Variants in PRKCI observed in about 807,000 individuals in gnomAD.
The protein encoded by PRKCI is protein kinase C iota.
A neutral mutation model predicts 84.0 loss-of-function variants in PRKCI; 43 were observed. The ratio of observed to expected loss-of-function variants is 0.51; its 90% CI spans 0.40 to 0.66. The LOEUF is 0.66. PRKCI is among the 30% of genes least tolerant of loss of function. The pLI, the probability that PRKCI is intolerant of heterozygous loss-of-function variation, is 0.00. For synonymous variants in PRKCI, 216 were observed against 234.4 expected (o/e 0.92, Z 0.72); for missense variants, 459 against 745.6 (o/e 0.62, Z 4.48).
chr3:170,234,031 C>CTT lies in PRKCI; in HGVS notation c.102-1181_102-1180dup, dbSNP rs386398519. ...CCACCACACCCAGCCTATACTTACA[C>CTT]TTTTTTTTTTTTTTTTTTTGAGATG... is the stretch of plus-strand genomic sequence containing the variant. On this transcript the variant is annotated intron_variant, in intron 1 of 17. Coordinates refer to ENST00000295797, the MANE Select transcript of PRKCI (RefSeq NM_002740.6). 6.5e-3 allele frequency among the ~76,000 whole-genome samples: 602 copies of CTT among 93,324 alleles called. 26 individuals are homozygous for CTT. Among genetic ancestry groups the CTT allele is most frequent in the African/African-American group, 0.016 (374 of 23,312 alleles). The allele number at this position is 93,324 out of a possible 152,430, so 61.2% of individuals were successfully genotyped here. A position where few individuals can be genotyped will look rare whatever the true frequency, so the allele number is the denominator to read the frequency against.
rs535512534 is a variant in PRKCI, at chr3:170,235,531, C to T, written c.223+180C>T. Among the ~76,000 whole-genome samples, 4 of 150,950 alleles carry T rather than the reference C, an allele frequency of 2.6e-5. No individual in the cohort carries two copies. The East Asian group carries it at 5.8e-4, about 22-fold the overall frequency. The stretch of plus-strand genomic sequence containing the variant: ...CTGAAGAGCACAATCTTTTTTTTGC[C>T]CCTTTTACGCCAAAATGATGTGAAA... On this transcript the variant is annotated intron_variant, in intron 2 of 17. Coordinates refer to ENST00000295797, the MANE Select transcript of PRKCI (RefSeq NM_002740.6).
chr3:170,231,820 T>A (rs540651874), intron 1 of PRKCI, among the ~76,000 whole-genome samples: 38 of 152,314 alleles, frequency 2.5e-4, no homozygotes, highest in African/African-American at 8.7e-4. Flanking sequence ...ATTATAGTAA[T>A]AATCTCTTAT....
intron 12 of PRKCI, among the ~76,000 whole-genome samples, chr3:170,287,908 C>CAAAAA (rs750366555): frequency 5.9e-5 from 3 of 50,478 alleles, no homozygotes; most frequent in Admixed American, 2.2e-4. Context: ...GACTCTGTCT[C>CAAAAA]AAAAAAAAAA....
intron 8 of PRKCI, among the ~76,000 whole-genome samples, chr3:170,279,299 G>GA (rs1734190127): frequency 6.6e-6 from 1 of 152,200 alleles, no homozygotes; most frequent in African/African-American, 2.4e-5. Context: ...CCTAAGTGCT[G>GA]AAAATACAGG....
chr3:170,285,727 T>C (rs1734365521), intron 12 of PRKCI, among the ~76,000 whole-genome samples: 1 of 151,836 alleles, frequency 6.6e-6, no homozygotes, highest in Non-Finnish European at 1.5e-5. Flanking sequence ...TTTCACATGA[T>C]ACTTATTAAT....
intron 8 of PRKCI, 134 bp downstream of exon 8, chr3:170,275,421 C>A: frequency 2.7e-6 from 2 of 754,576 alleles, no homozygotes; most frequent in Non-Finnish European, 3.8e-6. Flanking sequence ...TGTAATGATT[C>A]CAGAGTTTTA....
At chr3:170,289,420 T>C (rs1442348950) in intron 12 of PRKCI, among the ~76,000 whole-genome samples, 1 of 152,162 alleles carries the variant, frequency 6.6e-6, no homozygotes, top group Non-Finnish European at 1.5e-5. Flanking sequence ...AGAATGTCTC[T>C]GGAGGGCCAC....
rs1475798615 is a variant in PRKCI, at chr3:170,303,078, G to T, written c.1742G>T (p.Gly581Val). The T allele has an allele frequency of 2.5e-6, 4 of 1,606,030 alleles. No individual in the cohort carries two copies. The highest frequency in any genetic ancestry group is 1.3e-5 in the African/African-American group (1 of 74,592). The change falls in exon 18 of 18, where the codon GGT becomes GTT. Residue 581 changes from glycine to valine, a missense_variant. This residue lies in a region of PRKCI where 209 missense variants were observed against 425.9 expected (regional missense o/e 0.49). Coordinates refer to ENST00000295797, the MANE Select transcript of PRKCI (RefSeq NM_002740.6). ...AAGATTGATCAGTCTGAATTTGAAG[G>T]TTTTGAGTATATCAATCCTCTTTTG... ...VRKIDQSEFE[G>V]FEYINPLLMS...
intron 2 of PRKCI, among the ~76,000 whole-genome samples, chr3:170,248,733 T>G (rs763664295): frequency 1.5e-4 from 23 of 152,194 alleles, no homozygotes; most frequent in Non-Finnish European, 2.6e-4. Context: ...AGGTACATTT[T>G]GAAAGCAAGT....
chr3:170,264,362 C>T (rs1733808162), intron 4 of PRKCI, among the ~76,000 whole-genome samples: 1 of 152,052 alleles, frequency 6.6e-6, no homozygotes, highest in Non-Finnish European at 1.5e-5. Flanking sequence ...TCATTGCAAC[C>T]TTCACCTCTG....
chr3:170,281,974 T>A lies in PRKCI; in HGVS notation c.1067+6T>A. On this transcript the variant is annotated splice_donor_region_variant and intron_variant, in intron 11 of 17. Coordinates refer to ENST00000295797, the MANE Select transcript of PRKCI (RefSeq NM_002740.6). ...CTTCCTGAAGAACATGCCAGGTGAG[T>A]TTTTGTTTACTGTTTGTGTTGTTTT... 6.2e-7 allele frequency: 1 copy of A among 1,609,612 alleles called. No homozygotes were observed. The highest frequency in any genetic ancestry group is 1.3e-5 in the African/African-American group (1 of 74,878).
chr3:170,281,075 A>AT, intron 9 of PRKCI, 91 bp from the exon 10 acceptor site: 1 of 1,007,408 alleles, frequency 9.9e-7, no homozygotes, highest in Non-Finnish European at 1.5e-6. Context: ...CTAGTTAACC[A>AT]TTGCATTTGT....
rs569057743 is a variant in PRKCI, at chr3:170,230,254, C to T, written c.102-4976C>T. 1.2e-3 allele frequency among the ~76,000 whole-genome samples: 184 copies of T among 151,732 alleles called. 1 individual carries two copies. The highest frequency in any genetic ancestry group is 2.3e-3 in the Non-Finnish European group (154 of 67,962). ...GATCTCGTCTTACTGCAACCTTTGC[C>T]TCCTGGGTTCTAACAATCCTCCTGC... On this transcript the variant is annotated intron_variant, in intron 1 of 17. Coordinates refer to ENST00000295797, the MANE Select transcript of PRKCI (RefSeq NM_002740.6).
In PRKCI at chr3:170,280,313, T is replaced by C. The variant is rs767894071; in HGVS notation, c.792T>C (p.Ser264=). 15 of 1,613,820 alleles carry C rather than the reference T, an allele frequency of 9.3e-6. No individual in the cohort carries two copies. The highest frequency in any genetic ancestry group is 1.3e-5 in the Non-Finnish European group (15 of 1,179,944). The change falls in exon 9 of 18, where the codon AGT becomes AGC. Residue 264 remains serine (S), a synonymous_variant. Coordinates refer to ENST00000295797, the MANE Select transcript of PRKCI (RefSeq NM_002740.6). ...FDLLRVIGRG[S]YAKVLLVRLK... is the part of the protein sequence containing the mutation. ...TGCTCCGGGTAATAGGAAGAGGAAG[T>C]TATGCCAAAGTACTGTTGGTTCGAT...
In PRKCI at chr3:170,252,274, A is replaced by T. The variant is rs73034357; in HGVS notation, c.224-7695A>T. Among the ~76,000 whole-genome samples the T allele has an allele frequency of 3.6e-3, 539 of 151,300 alleles. 5 individuals carry two copies. The highest frequency in any genetic ancestry group is 0.013 in the African/African-American group (518 of 41,414). Reference sequence around the variant, plus strand: ...TTGGTTGAATGAATGTATGTGTCATAACTCTTTTGGAGGACAGTTGGAAAT... The same window carrying T: ...TTGGTTGAATGAATGTATGTGTCATTACTCTTTTGGAGGACAGTTGGAAAT... On this transcript the variant is annotated intron_variant, in intron 2 of 17. Coordinates refer to ENST00000295797, the MANE Select transcript of PRKCI (RefSeq NM_002740.6).
At chr3:170,257,662 A>AT (rs11362547) in intron 2 of PRKCI, among the ~76,000 whole-genome samples, 2,350 of 121,790 alleles carry the variant, frequency 0.019, 42 homozygotes, top group African/African-American at 0.042. Context: ...GGGAAAGAGA[A>AT]TTTTTTTTTT....
chr3:170,242,640 G>A lies in PRKCI; in HGVS notation c.223+7289G>A, dbSNP rs958648639. Among the ~76,000 whole-genome samples the A allele has an allele frequency of 4.6e-5, 7 of 151,452 alleles. No individual in the cohort carries two copies. In the East Asian group the frequency reaches 5.9e-4, roughly 13 times the overall value. On this transcript the variant is annotated intron_variant, in intron 2 of 17. Transcript: ENST00000295797. ...ATTATTACATTATTTATAATGTAAT[G>A]TAAAGAACTTCCTTTAACATTTCTT... is the stretch of plus-strand genomic sequence containing the variant.
At chr3:170,270,017 G>C (rs1278806231) in intron 5 of PRKCI, among the ~76,000 whole-genome samples, 2 of 151,970 alleles carry the variant, frequency 1.3e-5, no homozygotes, top group Admixed American at 1.3e-4. Flanking sequence ...AGTCACTTTA[G>C]GTTATTGCTC....
At chr3:170,296,328 T>G (rs1436009520) in intron 15 of PRKCI, among the ~76,000 whole-genome samples, 1 of 152,252 alleles carries the variant, frequency 6.6e-6, no homozygotes, top group African/African-American at 2.4e-5. Context: ...TTCCATTTTC[T>G]CTGTATCATT....
Sources: gnomAD v4.1 joint callset for allele counts (sites outside exome capture counted in the v4.1 genomes callset) on GRCh38, gnomAD v4.1.1 for gene constraint, gnomAD v4.1.1 regional missense constraint, MANE v1.5 for transcripts, NCBI Gene and HGNC (gene_info 2026-07-23, HGNC 2026-07-21) for gene names.